Variants in TAB1 observed in about 807,000 individuals in gnomAD.
The protein encoded by TAB1 is TGF-beta-activated kinase 1 and MAP3K7-binding protein 1.
Under a neutral mutation model 54.5 loss-of-function variants are expected in TAB1, and 30 were observed. The ratio of observed to expected loss-of-function variants is 0.55; its 90% CI spans 0.41 to 0.75. TAB1 has a LOEUF of 0.75. TAB1 is among the 30% of genes least tolerant of loss of function. TAB1 has a pLI of 0.00. For synonymous variants in TAB1, 289 were observed against 286.9 expected (o/e 1.01, Z -0.07); for missense variants, 609 against 683.2 (o/e 0.89, Z 1.21).
At chr22:39,401,050 A>AC (rs1569190883) in intron 1 of TAB1, among the ~76,000 whole-genome samples, 1 of 151,810 alleles carries the variant, frequency 6.6e-6, no homozygotes, top group Non-Finnish European at 1.5e-5. Flanking sequence ...AAAAAAAAAA[A>AC]AAAAAACGAA....
At chr22:39,435,460 GC>G (rs1927747906), downstream of TAB1, among the ~76,000 whole-genome samples, 1 of 152,144 alleles carries the variant, frequency 6.6e-6, no homozygotes, top group Admixed American at 6.5e-5. Flanking sequence ...CCCTCACCCA[GC>G]CCCTGAAGGG....
At position 39,405,433 on chromosome 22, in the gene TAB1, A is replaced by G. The variant is rs534191286; in HGVS notation, c.33+5598A>G. On this transcript the variant is annotated intron_variant, in intron 1 of 10. Transcript: ENST00000216160. ...TTCATTTCTCAGACATGGAAGAGTT[A>G]AGTCCTGCGTTCGCTGTTGTGTGTG... Among the ~76,000 whole-genome samples the G allele has an allele frequency of 7.2e-5, 11 of 152,364 alleles. No homozygotes were observed. The South Asian group carries it at 2.1e-3, about 29-fold the overall frequency.
intron 7 of TAB1, 162 bp from the exon 8 acceptor site, chr22:39,421,665 T>G: frequency 1.3e-6 from 1 of 746,172 alleles, no homozygotes; most frequent in Non-Finnish European, 2.1e-6. Flanking sequence ...TGTAAGACGA[T>G]GGGTCTATTT....
chr22:39,431,728 G>C lies in TAB1; in HGVS notation c.*1506G>C. ...CTTTGAAGCCATCTCTGTTCTGCAGGTGAGAGGATTTAAAGTCAGTCACAA... is the reference window on the plus strand; with the variant it reads ...CTTTGAAGCCATCTCTGTTCTGCAGCTGAGAGGATTTAAAGTCAGTCACAA... On this transcript the variant is annotated 3_prime_UTR_variant, in exon 11 of 11. Transcript: ENST00000216160. 1.0e-6 allele frequency: 1 copy of C among 985,492 alleles called. No individual in the cohort carries two copies. The highest frequency in any genetic ancestry group is 1.2e-6 in the Non-Finnish European group (1 of 829,974). 61.0% of individuals were successfully genotyped at this position (985,492 alleles called of 1,614,324 possible). A position where few individuals can be genotyped will look rare whatever the true frequency, so the allele number is the denominator to read the frequency against.
intron 1 of TAB1, chr22:39,414,760 C>T (rs1257406171): frequency 2.6e-5 from 13 of 505,016 alleles, no homozygotes; most frequent in Admixed American, 7.2e-5. Flanking sequence ...GTCATTGCTG[C>T]GCCTTACATT....
Position 39,428,147 on chromosome 22 carries a change from C to T in TAB1, c.1271C>T (p.Ala424Val). Residue 424 changes from alanine to valine, a missense_variant, in exon 10 of 11, where the codon GCT (alanine) becomes GTT (valine). Physicochemically the swap from Ala to Val is moderately conservative, Grantham distance 64. Coordinates refer to ENST00000216160, the MANE Select transcript of TAB1 (RefSeq NM_006116.3). ...CAGATGGTCAACGGGGCTCACAGTG[C>T]TTCCACCCTGGACGAAGCCACCCCC... ...QGQMVNGAHSASTLDEATPTL... is the reference protein window; with the variant it reads ...QGQMVNGAHSVSTLDEATPTL... The T allele has an allele frequency of 6.2e-7, 1 of 1,612,914 alleles. No individual in the cohort carries two copies. The highest frequency in any genetic ancestry group is 8.5e-7 in the Non-Finnish European group (1 of 1,179,142).
At chr22:39,406,601 AT>A (rs953802734) in intron 1 of TAB1, among the ~76,000 whole-genome samples, 7 of 151,088 alleles carry the variant, frequency 4.6e-5, no homozygotes, top group African/African-American at 1.5e-4. Flanking sequence ...TCTTTGGGTA[AT>A]TTTTTTCTTA....
In TAB1 at chr22:39,415,932, G is replaced by T. The variant is rs575468350; in HGVS notation, c.324+279G>T. ...GAGAGAGGTGTGAGGTGGGAGCAGG[G>T]CAAGGCCTGGTAGAAATGGGGTCAT... On this transcript the variant is annotated intron_variant, in intron 3 of 10. Transcript: ENST00000216160. This position sits in a 1 kb window ranked among gnomAD's most constrained non-coding sequence, Gnocchi z 4.9. 6.6e-6 allele frequency among the ~76,000 whole-genome samples: 1 copy of T among 152,282 alleles called. No individual in the cohort carries two copies. The highest frequency in any genetic ancestry group is 1.9e-4 in the East Asian group (1 of 5,174).
At chr22:39,420,985 CCT>C (rs1927062154) in intron 7 of TAB1, among the ~76,000 whole-genome samples, 5 of 146,002 alleles carry the variant, frequency 3.4e-5, no homozygotes, top group Non-Finnish European at 7.5e-5. Context: ...GCTGGTGTGT[CCT>C]GCCCCTCCCA....
At chr22:39,403,096 A>G (rs1193207388) in intron 1 of TAB1, among the ~76,000 whole-genome samples, 1 of 152,236 alleles carries the variant, frequency 6.6e-6, no homozygotes, top group Non-Finnish European at 1.5e-5. Flanking sequence ...CCGTGAGTGA[A>G]TGCTGTTCAT....
At chr22:39,424,000 A>G (rs141263497) in intron 8 of TAB1, among the ~76,000 whole-genome samples, 1 of 151,186 alleles carries the variant, frequency 6.6e-6, no homozygotes, top group African/African-American at 2.4e-5. Context: ...CCCTAGCACC[A>G]CTGCCATCCT....
intron 1 of TAB1, among the ~76,000 whole-genome samples, chr22:39,407,866 C>T (rs941985863): frequency 2.6e-5 from 4 of 152,016 alleles, no homozygotes; most frequent in Non-Finnish European, 4.4e-5. Flanking sequence ...GTGATCTGCC[C>T]GCCTCAGCCT....
At chr22:39,428,246 C>A in intron 10 of TAB1, 63 bp downstream of exon 10, 2 of 1,227,360 alleles carry the variant, frequency 1.6e-6, no homozygotes, top group Non-Finnish European at 2.3e-6. Flanking sequence ...CCTGTGGCAC[C>A]AGGACAGAAA....
chr22:39,431,770 G>T lies in TAB1; in HGVS notation c.*1548G>T. ...CAGTCACAAAGGCTTGGGAACAAAA[G>T]GAATTCTCTTCCAAGAATGCCTCTG... On this transcript the variant is annotated 3_prime_UTR_variant, in exon 11 of 11. Coordinates refer to ENST00000216160, the MANE Select transcript of TAB1 (RefSeq NM_006116.3). The T allele has an allele frequency of 1.0e-6, 1 of 985,456 alleles. No homozygotes were observed. The highest frequency in any genetic ancestry group is 1.2e-6 in the Non-Finnish European group (1 of 829,944). The allele number at this position is 985,456 out of a possible 1,614,324, so 61.0% of individuals were successfully genotyped here.
chr22:39,404,748 C>A (rs1926291115), intron 1 of TAB1, among the ~76,000 whole-genome samples: 1 of 152,056 alleles, frequency 6.6e-6, no homozygotes, highest in African/African-American at 2.4e-5. Flanking sequence ...TTGCATACAC[C>A]CAGCTGCTGC....
At chr22:39,414,971 G>A (rs1172613902) in intron 1 of TAB1, 35 bp from the exon 2 acceptor site, 1 of 1,612,548 alleles carries the variant, frequency 6.2e-7, no homozygotes. Flanking sequence ...TGCAGACGCG[G>A]TGGCGTCTCA....
chr22:39,420,469 TC>T (rs2145673533), intron 7 of TAB1, among the ~76,000 whole-genome samples: 1 of 152,268 alleles, frequency 6.6e-6, no homozygotes, highest in East Asian at 1.9e-4. Flanking sequence ...CCAAGGCTGT[TC>T]CCAAAGCCAG....
chr22:39,399,964 TCTC>T (rs1170604017), intron 1 of TAB1, 129 bp downstream of exon 1: 7 of 1,018,096 alleles, frequency 6.9e-6, no homozygotes, highest in East Asian at 2.9e-5. Context: ...TCAGCCACCT[TCTC>T]CTCTCCTCGG....
chr22:39,426,859 C>A lies in TAB1; in HGVS notation c.1078C>A (p.Leu360Met). ...RFCPRHEDMT[L>M]LVRNFGYPLG... ...CTGCCCCCGGCACGAGGACATGACCCTGCTAGTGAGGAACTTTGGCTACCC... is the reference window on the plus strand; with the variant it reads ...CTGCCCCCGGCACGAGGACATGACCATGCTAGTGAGGAACTTTGGCTACCC... Residue 360 changes from leucine (L) to methionine (M), a missense_variant, in exon 9 of 11, where the codon CTG becomes ATG. Physicochemically the swap from Leu to Met is conservative, Grantham distance 15 (BLOSUM62 2). Coordinates refer to ENST00000216160, the MANE Select transcript of TAB1 (RefSeq NM_006116.3). The A allele has an allele frequency of 6.2e-7, 1 of 1,613,528 alleles. No individual in the cohort carries two copies. Among genetic ancestry groups the A allele is most frequent in the Non-Finnish European group, 8.5e-7 (1 of 1,180,012 alleles).
Sources: gnomAD v4.1 joint callset for allele counts (sites outside exome capture counted in the v4.1 genomes callset) on GRCh38, gnomAD v4.1.1 for gene constraint, Gnocchi (gnomAD v3.1) non-coding constraint, MANE v1.5 for transcripts, NCBI Gene and HGNC (gene_info 2026-07-23, HGNC 2026-07-21) for gene names.